GPM6B: variants seen among roughly 807,000 people sequenced by gnomAD.
GPM6B encodes neuronal membrane glycoprotein M6-b.
In GPM6B, 4 loss-of-function variants were observed where a neutral mutation model predicts 27.2. The observed-to-expected ratio is 0.15, with a 90% confidence interval of 0.07 to 0.34. The LOEUF is 0.34. Ranked by LOEUF, GPM6B falls within the 10% of genes least tolerant of loss-of-function variation. GPM6B has a pLI of 1.00. For synonymous variants in GPM6B, 124 were observed against 103.1 expected (o/e 1.20, Z -1.23); for missense variants, 183 against 261.9 (o/e 0.70, Z 2.08).
chrX:13,884,142 C>T (rs183156648), intron 1 of GPM6B, among the ~76,000 whole-genome samples: 1,762 of 112,297 alleles, frequency 0.016, 15 homozygotes, highest in Non-Finnish European at 0.027. Flanking sequence ...CCCACCACTG[C>T]GCTCCAGCCT....
intron 2 of GPM6B, among the ~76,000 whole-genome samples, chrX:13,789,836 GTTT>G (rs765519143): frequency 1.9e-4 from 20 of 106,225 alleles, no homozygotes; most frequent in African/African-American, 6.5e-4. Context: ...AAGCCACTGC[GTTT>G]TTTTTTTGTT....
intron 2 of GPM6B, among the ~76,000 whole-genome samples, chrX:13,790,721 C>T (rs1278488054): frequency 1.8e-5 from 2 of 112,057 alleles, no homozygotes; most frequent in African/African-American, 3.3e-5. Flanking sequence ...GTTGTCCAGC[C>T]ATCTTGAAAA....
At chrX:13,877,104 C>T (rs1049016326) in intron 1 of GPM6B, among the ~76,000 whole-genome samples, 1 of 111,453 alleles carries the variant, frequency 9.0e-6, no homozygotes, top group African/African-American at 3.3e-5. Flanking sequence ...CCCAAGGCAG[C>T]TCAAGATCCA....
intron 2 of GPM6B, among the ~76,000 whole-genome samples, chrX:13,788,822 T>C (rs1181249866): frequency 9.1e-6 from 1 of 110,270 alleles, no homozygotes; most frequent in Non-Finnish European, 1.9e-5. Context: ...AGCTAAAGTT[T>C]CCCTCCAATT....
chrX:13,841,655 G>A (rs906943345), intron 1 of GPM6B, among the ~76,000 whole-genome samples: 5 of 111,523 alleles, frequency 4.5e-5, no homozygotes, highest in African/African-American at 1.6e-4. Context: ...CTTGGGTGGA[G>A]GTAATGGCAA....
intron 1 of GPM6B, among the ~76,000 whole-genome samples, chrX:13,909,061 C>T (rs2050353778): frequency 9.1e-6 from 1 of 110,148 alleles, no homozygotes; most frequent in African/African-American, 3.3e-5. Context: ...TACCTCACAC[C>T]CAGTCTGCCC....
rs2048321511 is a variant in GPM6B, at chrX:13,772,592, C to T, written c.*289G>A. The T allele has an allele frequency of 1.5e-5, 4 of 264,156 alleles. No homozygotes were observed. Among genetic ancestry groups the T allele is most frequent in the Non-Finnish European group, 6.8e-6 (1 of 146,604 alleles). The allele number at this position is 264,156 out of a possible 1,213,427, so 21.8% of individuals were successfully genotyped here. A position where few individuals can be genotyped will look rare whatever the true frequency, so the allele number is the denominator to read the frequency against. On this transcript the variant is annotated 3_prime_UTR_variant, in exon 8 of 8. Transcript: ENST00000316715. Reference sequence around the variant, plus strand: ...TCCATTGAGTGTCTTGGTAGAATTGCCCTAGCAATAAATGTGAACATGCCA... The same window carrying T: ...TCCATTGAGTGTCTTGGTAGAATTGTCCTAGCAATAAATGTGAACATGCCA...
intron 1 of GPM6B, among the ~76,000 whole-genome samples, chrX:13,828,861 T>C (rs2049406754): frequency 9.0e-6 from 1 of 111,609 alleles, no homozygotes; most frequent in Non-Finnish European, 1.9e-5. Context: ...CCATCCCCCT[T>C]GCATGGATGA....
upstream of GPM6B, chrX:13,817,366 T>G (rs2049257672): frequency 1.3e-6 from 1 of 751,502 alleles, no homozygotes; most frequent in Non-Finnish European, 1.6e-6. Flanking sequence ...CAATGAATGC[T>G]AATTAATTCT....
At chrX:13,914,510 A>C (rs1184123060) in intron 1 of GPM6B, among the ~76,000 whole-genome samples, 2 of 112,542 alleles carry the variant, frequency 1.8e-5, no homozygotes, top group African/African-American at 3.2e-5. Context: ...GATTGCAGGA[A>C]CTGCAGCAGC....
intron 1 of GPM6B, among the ~76,000 whole-genome samples, chrX:13,860,455 TG>T (rs1450847957): frequency 1.3e-4 from 14 of 106,557 alleles, no homozygotes; most frequent in African/African-American, 4.5e-4. Flanking sequence ...TTTTTTTTTT[TG>T]CTCTCAAAGA....
chrX:13,812,322 G>A (rs1019928002), intron 1 of GPM6B, among the ~76,000 whole-genome samples: 1 of 110,022 alleles, frequency 9.1e-6, no homozygotes, highest in Non-Finnish European at 1.9e-5. Flanking sequence ...CAAAGTGGTG[G>A]GATTACAGGC....
intron 1 of GPM6B, among the ~76,000 whole-genome samples, chrX:13,937,509 G>C (rs1036756834): frequency 3.6e-5 from 4 of 111,678 alleles, no homozygotes; most frequent in Admixed American, 9.5e-5. Context: ...TCCTCGTTAG[G>C]AATGCTCTTC....
At chrX:13,802,213 C>T (rs1018673258) in intron 2 of GPM6B, among the ~76,000 whole-genome samples, 1 of 111,355 alleles carries the variant, frequency 9.0e-6, no homozygotes, top group African/African-American at 3.3e-5. Context: ...GACCAGATGA[C>T]ACTACTTCTC....
chrX:13,869,993 C>T (rs2049957786), intron 1 of GPM6B, among the ~76,000 whole-genome samples: 1 of 111,996 alleles, frequency 8.9e-6, no homozygotes, highest in Non-Finnish European at 1.9e-5. Flanking sequence ...CCAGTCTTTA[C>T]TTGTTTTTCA....
chrX:13,938,220 C>A (rs1921937900), intron 1 of GPM6B: 1 of 242,387 alleles, frequency 4.1e-6, no homozygotes. Context: ...CAACCCCTCC[C>A]GGGTACCCAG....
At chrX:13,880,350 T>C (rs1408482256) in intron 1 of GPM6B, among the ~76,000 whole-genome samples, 1 of 111,291 alleles carries the variant, frequency 9.0e-6, no homozygotes, top group Admixed American at 9.6e-5. Flanking sequence ...CCTGCTCCCA[T>C]TAAATCTCCT....
At chrX:13,878,937 A>G (rs188550644) in intron 1 of GPM6B, among the ~76,000 whole-genome samples, 1 of 112,165 alleles carries the variant, frequency 8.9e-6, no homozygotes, top group Non-Finnish European at 1.9e-5. Context: ...GGGCAAGGAA[A>G]TGGATTCTCC....
chrX:13,936,472 C>T (rs757794526), intron 1 of GPM6B, among the ~76,000 whole-genome samples: 20 of 111,817 alleles, frequency 1.8e-4, no homozygotes, highest in Non-Finnish European at 3.6e-4. Flanking sequence ...ATTTTCCCAA[C>T]GTTAAATCAT....
Sources: allele counts gnomAD v4.1 joint callset (sites outside exome capture counted in the v4.1 genomes callset), GRCh38; gene constraint gnomAD v4.1.1; transcripts MANE v1.5; gene names NCBI Gene and HGNC (gene_info 2026-07-23, HGNC 2026-07-21).